The following EYS variants were observed in gnomAD, a reference collection of about 807,000 sequenced individuals.
EYS encodes the protein protein eyes shut homolog.
In EYS, 250 loss-of-function variants were observed where a neutral mutation model predicts 282.1. The ratio of observed to expected loss-of-function variants is 0.89; its 90% CI spans 0.80 to 0.98. EYS has a LOEUF of 0.98. EYS is among the 50% of genes least tolerant of loss of function. The pLI is 0.00. For missense variants in EYS, 4,016 were observed against 3,709.0 expected, an observed-to-expected ratio of 1.08 and a Z score of -2.15; for synonymous variants, 1,355 against 1,282.9, an observed-to-expected ratio of 1.06 and a Z score of -1.20.
At chr6:64,973,232 G>C (rs1358900002) in intron 14 of EYS, among the ~76,000 whole-genome samples, 1 of 151,958 alleles carries the variant, frequency 6.6e-6, no homozygotes, top group Non-Finnish European at 1.5e-5. Flanking sequence ...CTATAGGAAA[G>C]ACATCTTGTT....
At chr6:64,787,794 GC>G (rs1249138649) in intron 22 of EYS, among the ~76,000 whole-genome samples, 1 of 149,934 alleles carries the variant, frequency 6.7e-6, no homozygotes, top group African/African-American at 2.4e-5. Flanking sequence ...CTTCTGTGTG[GC>G]TTTTCTTTGG....
At chr6:63,832,900 G>C (rs1321182921) in intron 36 of EYS, among the ~76,000 whole-genome samples, 1 of 152,164 alleles carries the variant, frequency 6.6e-6, no homozygotes, top group Non-Finnish European at 1.5e-5. Context: ...TGGGATGCAA[G>C]GCTGGTTTGA....
chr6:64,449,314 T>C (rs1381682840), intron 26 of EYS, among the ~76,000 whole-genome samples: 2 of 151,324 alleles, frequency 1.3e-5, no homozygotes, highest in Non-Finnish European at 2.9e-5. Context: ...GAAAAAAAAA[T>C]ACAAAGAAAT....
At chr6:65,170,066 C>T (rs992746156) in intron 12 of EYS, among the ~76,000 whole-genome samples, 3 of 151,456 alleles carry the variant, frequency 2.0e-5, no homozygotes, top group Non-Finnish European at 3.0e-5. Context: ...AATGATGGTG[C>T]TATAAAATAA....
chr6:64,784,392 T>G (rs115073821), intron 22 of EYS, among the ~76,000 whole-genome samples: 9,642 of 152,174 alleles, frequency 0.063, 310 homozygotes, highest in African/African-American at 0.087. Flanking sequence ...CTTTATTAAG[T>G]TTTTTTAAAC....
At chr6:63,999,231 A>G in intron 33 of EYS, 48 bp from the exon 34 acceptor site, 1 of 1,255,472 alleles carries the variant, frequency 8.0e-7, no homozygotes, top group South Asian at 1.3e-5. Context: ...TTTTGGCAAG[A>G]AAGGAGTAAC....
chr6:63,834,211 G>A (rs915975590), intron 36 of EYS, among the ~76,000 whole-genome samples: 11 of 152,046 alleles, frequency 7.2e-5, no homozygotes, highest in Non-Finnish European at 1.3e-4. Flanking sequence ...TAGACAAATG[G>A]GATCTAATTA....
intron 30 of EYS, among the ~76,000 whole-genome samples, chr6:64,243,935 C>T (rs1178270825): frequency 6.6e-6 from 1 of 152,096 alleles, no homozygotes; most frequent in Non-Finnish European, 1.5e-5. Flanking sequence ...TGAATATCAT[C>T]ATACAAATAT....
At chr6:64,399,319 TTTATAA>T (rs1358037666) in intron 28 of EYS, among the ~76,000 whole-genome samples, 12 of 151,804 alleles carry the variant, frequency 7.9e-5, no homozygotes, top group Non-Finnish European at 1.8e-4. Context: ...ACACTTGGCT[TTTATAA>T]TTATATCAAT....
At chr6:63,813,564 T>TA (rs1771101736) in intron 36 of EYS, among the ~76,000 whole-genome samples, 1 of 152,196 alleles carries the variant, frequency 6.6e-6, no homozygotes, top group East Asian at 1.9e-4. Flanking sequence ...TTGAAACTTT[T>TA]AAGTGTTTTC....
chr6:64,459,794 G>A (rs1775683150), intron 26 of EYS, among the ~76,000 whole-genome samples: 1 of 152,148 alleles, frequency 6.6e-6, no homozygotes, highest in Non-Finnish European at 1.5e-5. Flanking sequence ...CAGATTGAGG[G>A]TGGGTCTGTC....
chr6:64,716,974 G>C (rs1470871517), intron 22 of EYS, among the ~76,000 whole-genome samples: 1 of 152,112 alleles, frequency 6.6e-6, no homozygotes, highest in Non-Finnish European at 1.5e-5. Flanking sequence ...TTTAAATGCA[G>C]ATTTTTGTTG....
At chr6:64,020,392 C>T (rs1350636990) in intron 33 of EYS, among the ~76,000 whole-genome samples, 1 of 152,024 alleles carries the variant, frequency 6.6e-6, no homozygotes, top group African/African-American at 2.4e-5. Flanking sequence ...GAAATGTTTT[C>T]ATCCAAATTA....
At chr6:64,726,087 A>G (rs1398542864) in intron 22 of EYS, among the ~76,000 whole-genome samples, 1 of 151,908 alleles carries the variant, frequency 6.6e-6, no homozygotes, top group Non-Finnish European at 1.5e-5. Flanking sequence ...TGTCTCCCTC[A>G]TTCTTTTCCT....
intron 26 of EYS, among the ~76,000 whole-genome samples, chr6:64,546,679 AAAAC>A (rs1311323448): frequency 2.0e-5 from 3 of 152,220 alleles, no homozygotes; most frequent in Admixed American, 6.5e-5. Context: ...TTACAACAAA[AAAAC>A]AAACAACCCC....
At chr6:65,431,294 T>C (rs542066108) in intron 5 of EYS, among the ~76,000 whole-genome samples, 118 of 152,282 alleles carry the variant, frequency 7.7e-4, no homozygotes, top group African/African-American at 2.7e-3. Flanking sequence ...ATCACCATCC[T>C]GTATCTTGGG....
chr6:64,015,985 A>C (rs1261308862), intron 33 of EYS, among the ~76,000 whole-genome samples: 1 of 152,226 alleles, frequency 6.6e-6, no homozygotes, highest in Non-Finnish European at 1.5e-5. Flanking sequence ...GCTTCTAGGA[A>C]ACAAAGAAAC....
chr6:64,884,704 A>T (rs1767032909), intron 19 of EYS, among the ~76,000 whole-genome samples: 1 of 151,672 alleles, frequency 6.6e-6, no homozygotes, highest in Non-Finnish European at 1.5e-5. Flanking sequence ...CAGAAAAACA[A>T]ATACATGTAA....
intron 22 of EYS, among the ~76,000 whole-genome samples, chr6:64,717,359 TCAC>T (rs1771431515): frequency 6.6e-6 from 1 of 152,186 alleles, no homozygotes; most frequent in Non-Finnish European, 1.5e-5. Context: ...ATTGCTCATA[TCAC>T]CACCTCAGCT....
Sources: gnomAD v4.1 joint callset for allele counts (sites outside exome capture counted in the v4.1 genomes callset) on GRCh38, gnomAD v4.1.1 for gene constraint, MANE v1.5 for transcripts, NCBI Gene and HGNC (gene_info 2026-07-23, HGNC 2026-07-21) for gene names.